Variants in ZFHX3 observed in about 807,000 individuals in gnomAD.
ZFHX3 encodes zinc finger homeobox 3.
Under a neutral mutation model 279.1 loss-of-function variants are expected in ZFHX3, and 42 were observed. The ratio of observed to expected loss-of-function variants is 0.15; its 90% confidence interval spans 0.12 to 0.19. The LOEUF (loss-of-function observed/expected upper bound fraction) is 0.19. Ranked by LOEUF, ZFHX3 falls within the 10% of genes least tolerant of loss-of-function variation. The probability of loss-of-function intolerance (pLI) is 1.00; values close to 1 mark genes in which losing one functional copy is unlikely to be tolerated. For missense variants in ZFHX3, 4,981 were observed against 4,754.0 expected, an observed-to-expected ratio of 1.05 and a Z score of -1.40; for synonymous variants, 2,293 against 1,957.8, an observed-to-expected ratio of 1.17 and a Z score of -4.52.
intron 4 of ZFHX3, among the ~76,000 whole-genome samples, chr16:73,277,499 C>A (rs1043024654): frequency 2.0e-5 from 3 of 152,128 alleles, no homozygotes; most frequent in African/African-American, 7.2e-5. Flanking sequence ...CAGGGGCTAC[C>A]ATTTATAGAG....
intron 4 of ZFHX3, among the ~76,000 whole-genome samples, chr16:72,831,084 C>T (rs2037049712): frequency 6.6e-6 from 1 of 152,112 alleles, no homozygotes; most frequent in Admixed American, 6.5e-5. Context: ...CAGCCTCTAC[C>T]CCAATGCTAC....
intron 3 of ZFHX3, among the ~76,000 whole-genome samples, chr16:73,454,762 G>A (rs1692175400): frequency 6.6e-6 from 1 of 152,030 alleles, no homozygotes; most frequent in African/African-American, 2.4e-5. Context: ...AAACACAAAA[G>A]CAAAGATATA....
At chr16:73,476,137 A>G (rs1243697983) in intron 2 of ZFHX3, among the ~76,000 whole-genome samples, 3 of 152,186 alleles carry the variant, frequency 2.0e-5, no homozygotes, top group African/African-American at 7.2e-5. Flanking sequence ...CTTCATTTTC[A>G]ACAGTTGCAA....
chr16:72,812,316 A>G (rs2036480541), intron 5 of ZFHX3, among the ~76,000 whole-genome samples: 1 of 152,202 alleles, frequency 6.6e-6, no homozygotes, highest in Non-Finnish European at 1.5e-5. Flanking sequence ...GGATTAAGCT[A>G]AATTCAGTCT....
chr16:73,001,860 G>A (rs1469565223), intron 1 of ZFHX3, among the ~76,000 whole-genome samples: 1 of 151,590 alleles, frequency 6.6e-6, no homozygotes. Flanking sequence ...ATATAATTTT[G>A]GCCAGTAAGT....
At chr16:73,026,434 G>A (rs1195225899) in intron 1 of ZFHX3, among the ~76,000 whole-genome samples, 1 of 151,824 alleles carries the variant, frequency 6.6e-6, no homozygotes, top group Non-Finnish European at 1.5e-5. Context: ...CACTTTGGGA[G>A]GCCAAGGCGG....
chr16:73,640,047 G>T (rs992326635), intron 2 of ZFHX3, among the ~76,000 whole-genome samples: 2 of 152,122 alleles, frequency 1.3e-5, no homozygotes, highest in Admixed American at 1.3e-4. Flanking sequence ...ATCCCTCAAA[G>T]CCAGGAGACA....
At chr16:72,861,324 T>C (rs553415877) in intron 4 of ZFHX3, among the ~76,000 whole-genome samples, 21 of 152,342 alleles carry the variant, frequency 1.4e-4, no homozygotes, top group Admixed American at 1.0e-3. Flanking sequence ...TTAGTAATAA[T>C]GCAATGTGAA....
At chr16:73,081,764 T>G (rs1011677653) in intron 8 of ZFHX3, 3 of 152,186 alleles carry the variant, frequency 2.0e-5, no homozygotes, top group African/African-American at 7.2e-5. Context: ...TCCAGTGACG[T>G]TGTTCTGGAT....
chr16:73,704,638 T>C (rs2053286291), intron 1 of ZFHX3, among the ~76,000 whole-genome samples: 1 of 152,210 alleles, frequency 6.6e-6, no homozygotes, highest in South Asian at 2.1e-4. Context: ...ATTTTGGTTG[T>C]TCCAGAAGCA....
intron 3 of ZFHX3, among the ~76,000 whole-genome samples, chr16:73,372,590 T>C (rs1270094912): frequency 6.6e-6 from 1 of 152,234 alleles, no homozygotes; most frequent in Non-Finnish European, 1.5e-5. Flanking sequence ...TGTTGTTTAA[T>C]TAGAATGACA....
At chr16:73,044,191 T>C (rs1355758006) in intron 1 of ZFHX3, among the ~76,000 whole-genome samples, 8 of 152,188 alleles carry the variant, frequency 5.3e-5, no homozygotes, top group Admixed American at 5.2e-4. Context: ...TGAGCTGTGC[T>C]GTGATTTCTA....
chr16:73,388,924 A>C (rs1027970366), intron 3 of ZFHX3: 2 of 152,208 alleles, frequency 1.3e-5, no homozygotes, highest in Non-Finnish European at 2.9e-5. Context: ...CATCACGACG[A>C]CAGAAAGCTG....
chr16:73,077,533 T>C, intron 8 of ZFHX3, among the ~76,000 whole-genome samples: 1 of 151,926 alleles, frequency 6.6e-6, no homozygotes, highest in East Asian at 1.9e-4. Flanking sequence ...TAAACAACTT[T>C]ATCCTGCAAA....
intron 3 of ZFHX3, among the ~76,000 whole-genome samples, chr16:73,325,928 A>ACAAACACACACAC (rs1567451240): frequency 0.026 from 3,722 of 145,318 alleles, 83 homozygotes; most frequent in Non-Finnish European, 0.039. Flanking sequence ...CACACACACA[A>ACAAACACACACAC]ACACACACAC....
At chr16:73,004,321 CTTT>C (rs34987461) in intron 1 of ZFHX3, among the ~76,000 whole-genome samples, 11,370 of 49,742 alleles carry the variant, frequency 0.23, 289 homozygotes, top group East Asian at 0.46. Context: ...ATGCATCAAT[CTTT>C]TTTTTTTTTT....
intron 2 of ZFHX3, among the ~76,000 whole-genome samples, chr16:73,524,867 T>C (rs564126496): frequency 6.6e-6 from 1 of 152,320 alleles, no homozygotes; most frequent in Admixed American, 6.5e-5. Context: ...GAGGGCAGAA[T>C]GAATATTTGC....
At chr16:73,473,358 CA>C (rs1300049292) in intron 2 of ZFHX3, among the ~76,000 whole-genome samples, 148 of 43,152 alleles carry the variant, frequency 3.4e-3, no homozygotes, top group South Asian at 9.5e-3. Flanking sequence ...AAAAAAAAAA[CA>C]AAAAAAAAAA....
chr16:73,092,808 C>T (rs1018217189), intron 8 of ZFHX3: 58 of 413,748 alleles, frequency 1.4e-4, no homozygotes, highest in Non-Finnish European at 2.5e-4. Context: ...ATCCTGTGCT[C>T]TCCACTGCCC....
Sources: gnomAD v4.1 joint callset for allele counts (sites outside exome capture counted in the v4.1 genomes callset) on GRCh38, gnomAD v4.1.1 for gene constraint, MANE v1.5 for transcripts, NCBI Gene and HGNC (gene_info 2026-07-23, HGNC 2026-07-21) for gene names.